The following C2CD2 variants were observed in gnomAD, a reference collection of about 807,000 sequenced individuals.
C2CD2 encodes the protein C2 calcium dependent domain containing 2.
Under a neutral mutation model 74.3 loss-of-function variants are expected in C2CD2, and 43 were observed. That is an observed-to-expected ratio of 0.58 (90% confidence interval 0.45 to 0.75). The LOEUF (loss-of-function observed/expected upper bound fraction) is 0.75. Among genes scored for constraint, C2CD2 ranks in the 30% least tolerant of loss-of-function variants. The probability of loss-of-function intolerance (pLI) is 0.00; values close to 1 mark genes in which losing one functional copy is unlikely to be tolerated. For synonymous variants in C2CD2, 422 were observed against 390.7 expected (o/e 1.08, Z -0.94); for missense variants, 801 against 916.3 (o/e 0.87, Z 1.63).
At chr21:41,928,875 C>T (rs1335137366) in intron 2 of C2CD2, among the ~76,000 whole-genome samples, 1 of 152,160 alleles carries the variant, frequency 6.6e-6, no homozygotes. Context: ...TTTACAGATG[C>T]AAAGCGTGAT....
At position 41,895,151 on chromosome 21, in the gene C2CD2, G is replaced by A; in HGVS notation, c.1870+3902C>T. On this transcript the variant is annotated intron_variant, in intron 13 of 13. Coordinates refer to ENST00000380486, the MANE Select transcript of C2CD2 (RefSeq NM_015500.2). This position sits in a 1 kb window ranked among gnomAD's most constrained non-coding sequence, Gnocchi z 5.0. ...GCTGAAGGCCCTAAGAGCAAACACT[G>A]GTTTTCCAGGGAGGAGGAAATTCTG... 2.9e-6 allele frequency: 1 copy of A among 347,958 alleles called. No homozygotes were observed. The highest frequency in any genetic ancestry group is 7.6e-5 in the East Asian group (1 of 13,190). 21.6% of individuals were successfully genotyped at this position (347,958 alleles called of 1,614,324 possible).
chr21:41,900,313 G>A (rs1351551076), intron 12 of C2CD2, among the ~76,000 whole-genome samples: 2 of 152,176 alleles, frequency 1.3e-5, no homozygotes, highest in East Asian at 3.8e-4. Context: ...TAGATAATCT[G>A]AGCACCAATA....
chr21:41,924,821 C>T lies in C2CD2; in HGVS notation c.379-2736G>A, dbSNP rs2065191629. ...AAGAAAACAGACTCAGAGCCTCAACCCGAGCAAGAAAGAATTTCATTTTCT... is the reference window on the plus strand; with the variant it reads ...AAGAAAACAGACTCAGAGCCTCAACTCGAGCAAGAAAGAATTTCATTTTCT... On this transcript the variant is annotated intron_variant, in intron 2 of 13. Coordinates refer to ENST00000380486, the MANE Select transcript of C2CD2 (RefSeq NM_015500.2). This position sits in a 1 kb window ranked among gnomAD's most constrained non-coding sequence, Gnocchi z 4.4. 1.3e-5 allele frequency among the ~76,000 whole-genome samples: 2 copies of T among 152,216 alleles called. No individual in the cohort carries two copies. The highest frequency in any genetic ancestry group is 4.1e-4 in the South Asian group (2 of 4,834).
Position 41,888,867 on chromosome 21 carries a change from T to G in C2CD2, c.*257A>C. 1 of 563,630 alleles carries G rather than the reference T, an allele frequency of 1.8e-6. No individual in the cohort carries two copies. Among genetic ancestry groups the G allele is most frequent in the Admixed American group, 3.0e-5 (1 of 32,792 alleles). The allele number at this position is 563,630 out of a possible 1,614,324, so 34.9% of individuals were successfully genotyped here. A position where few individuals can be genotyped will look rare whatever the true frequency, so the allele number is the denominator to read the frequency against. ...AATATTGAACCCTAACCCTTAGCTA[T>G]GAGCACAGCCCAAGCTCTGCAGCTG... On this transcript the variant is annotated 3_prime_UTR_variant, in exon 14 of 14. Transcript: ENST00000380486.
At chr21:41,909,055 CT>C (rs1414897667) in intron 8 of C2CD2, among the ~76,000 whole-genome samples, 3 of 152,162 alleles carry the variant, frequency 2.0e-5, no homozygotes, top group Non-Finnish European at 4.4e-5. Context: ...CTTACTGCCC[CT>C]GAACTATGTA....
chr21:41,892,166 G>A lies in C2CD2; in HGVS notation c.1871-2822C>T, dbSNP rs969515998. ...GAAATTTAGACACAGAGACAGACACGCAAGGGAAGACATTGTGAAGGGTCA... is the reference window on the plus strand; with the variant it reads ...GAAATTTAGACACAGAGACAGACACACAAGGGAAGACATTGTGAAGGGTCA... On this transcript the variant is annotated intron_variant, in intron 13 of 13. Transcript: ENST00000380486. This position sits in a 1 kb window ranked among gnomAD's most constrained non-coding sequence, Gnocchi z 4.6. Among the ~76,000 whole-genome samples, 1 of 152,208 alleles carries A rather than the reference G, an allele frequency of 6.6e-6. No individual in the cohort carries two copies. The highest frequency in any genetic ancestry group is 1.5e-5 in the Non-Finnish European group (1 of 68,028).
intron 2 of C2CD2, 179 bp downstream of exon 2, chr21:41,941,968 C>T (rs555536729): frequency 2.0e-5 from 7 of 352,522 alleles, no homozygotes; most frequent in African/African-American, 1.5e-4. Flanking sequence ...GAATAACGTC[C>T]CATTATGTGG....
chr21:41,908,101 T>C, intron 8 of C2CD2: 2 of 368,628 alleles, frequency 5.4e-6, no homozygotes, highest in South Asian at 2.6e-5. Context: ...AAGATGGGCA[T>C]AAGCTAAGGA....
chr21:41,943,724 C>A (rs1397205457), intron 1 of C2CD2, among the ~76,000 whole-genome samples: 6 of 152,228 alleles, frequency 3.9e-5, no homozygotes, highest in Admixed American at 3.9e-4. Flanking sequence ...GTGGCTATTT[C>A]TCAAGAATGC....
Position 41,942,628 on chromosome 21 carries a change from G to A in C2CD2, c.280-383C>T, listed in dbSNP as rs772384936. Among the ~76,000 whole-genome samples the A allele has an allele frequency of 8.3e-4, 127 of 152,308 alleles. 1 individual carries two copies. Among genetic ancestry groups the A allele is most frequent in the Non-Finnish European group, 1.5e-3 (105 of 68,026 alleles). On this transcript the variant is annotated intron_variant, in intron 1 of 13. Coordinates refer to ENST00000380486, the MANE Select transcript of C2CD2 (RefSeq NM_015500.2). ...TCAGAGGATCTGTGGGTCTAGCGGC[G>A]CACCTCGCCCAGCACAGAGGGCTCC...
intron 1 of C2CD2, among the ~76,000 whole-genome samples, 185 bp from the exon 2 acceptor site, chr21:41,942,430 G>A (rs1317969685): frequency 1.3e-5 from 2 of 152,242 alleles, no homozygotes; most frequent in Admixed American, 6.5e-5. Context: ...AGCAGCTGGT[G>A]ATGGATTGTG....
rs903981066 is a variant in C2CD2 at position 41,899,242 on chromosome 21, C to T, written c.1681G>A (p.Glu561Lys). 6.2e-7 allele frequency: 1 copy of T among 1,612,422 alleles called. No individual in the cohort carries two copies. The highest frequency in any genetic ancestry group is 8.5e-7 in the Non-Finnish European group (1 of 1,179,716). ...GATGCCTGGGCTGACTCGGCTTCCT[C>T]TGGCGGGGCAGAGGCTGCCGCCCTC... ...PERAAASAPP[E>K]EAESAQASLA... is the part of the protein sequence containing the mutation. Residue 561 changes from glutamate to lysine, a missense_variant, in exon 13 of 14, where the codon GAG (glutamate) becomes AAG (lysine). By Grantham distance (56) the Glu-to-Lys change is moderately conservative. Coordinates refer to ENST00000380486, the MANE Select transcript of C2CD2 (RefSeq NM_015500.2). This position sits in a 1 kb window ranked among gnomAD's most constrained non-coding sequence, Gnocchi z 4.4.
At chr21:41,928,946 G>A (rs2065240531) in intron 2 of C2CD2, among the ~76,000 whole-genome samples, 1 of 151,280 alleles carries the variant, frequency 6.6e-6, no homozygotes, top group African/African-American at 2.4e-5. Context: ...GGATGTGGTG[G>A]GGGCACGAGC....
At chr21:41,940,533 T>C (rs995447823) in intron 2 of C2CD2, among the ~76,000 whole-genome samples, 1 of 152,176 alleles carries the variant, frequency 6.6e-6, no homozygotes, top group African/African-American at 2.4e-5. Flanking sequence ...CCTAACTTGA[T>C]AATAAAATGC....
At chr21:41,913,316 T>C (rs2065050197) in intron 6 of C2CD2, among the ~76,000 whole-genome samples, 1 of 152,224 alleles carries the variant, frequency 6.6e-6, no homozygotes, top group Non-Finnish European at 1.5e-5. Flanking sequence ...AAGTCCCCAA[T>C]ACACTGTGGA....
intron 13 of C2CD2, among the ~76,000 whole-genome samples, chr21:41,896,207 T>C (rs2064820405): frequency 6.6e-6 from 1 of 152,242 alleles, no homozygotes; most frequent in Non-Finnish European, 1.5e-5. Flanking sequence ...AATAACTTAC[T>C]GTGCAGGCAA....
chr21:41,937,088 G>C (rs1357515862), intron 2 of C2CD2, among the ~76,000 whole-genome samples: 2 of 151,202 alleles, frequency 1.3e-5, no homozygotes, highest in Non-Finnish European at 1.5e-5. Flanking sequence ...CAAAGTGCTG[G>C]GATTATAGGC....
chr21:41,942,414 C>G (rs546408818), intron 1 of C2CD2, among the ~76,000 whole-genome samples, 169 bp from the exon 2 acceptor site: 5 of 152,332 alleles, frequency 3.3e-5, no homozygotes, highest in Admixed American at 2.6e-4. Flanking sequence ...CTCTGCACAT[C>G]CAAGGAGCAG....
intron 13 of C2CD2, among the ~76,000 whole-genome samples, chr21:41,898,455 G>A (rs1402660506): frequency 2.6e-5 from 4 of 152,178 alleles, no homozygotes; most frequent in Non-Finnish European, 5.9e-5. Context: ...ATCTGCACAC[G>A]CTTAAGGAAT....
Sources: gnomAD v4.1 joint callset for allele counts (sites outside exome capture counted in the v4.1 genomes callset) on GRCh38, gnomAD v4.1.1 for gene constraint, Gnocchi (gnomAD v3.1) non-coding constraint, MANE v1.5 for transcripts, NCBI Gene and HGNC (gene_info 2026-07-23, HGNC 2026-07-21) for gene names.